The following LIFR variants were observed in gnomAD, a reference collection of about 807,000 sequenced individuals.
LIFR encodes leukemia inhibitory factor receptor.
In LIFR, 84 loss-of-function variants were observed where a neutral mutation model predicts 122.2. That is an observed-to-expected ratio of 0.69 (90% CI 0.58 to 0.82). The LOEUF (loss-of-function observed/expected upper bound fraction) is 0.82, where lower values mean the gene tolerates loss of function less well. Ranked by LOEUF, LIFR falls within the 40% of genes least tolerant of loss-of-function variation. LIFR has a pLI of 0.00. For missense variants in LIFR, 1,294 were observed against 1,311.6 expected (o/e 0.99, Z 0.21); for synonymous variants, 422 against 434.7 (o/e 0.97, Z 0.36).
intron 4 of LIFR, among the ~76,000 whole-genome samples, chr5:38,525,264 C>T (rs1444889): frequency 0.31 from 46,575 of 151,986 alleles, 7,431 homozygotes; most frequent in East Asian, 0.42. Flanking sequence ...GAGACTTGGA[C>T]TTTCTTCCAT....
intron 4 of LIFR, among the ~76,000 whole-genome samples, chr5:38,525,438 T>C (rs1746628824): frequency 6.6e-6 from 1 of 152,136 alleles, no homozygotes; most frequent in African/African-American, 2.4e-5. Flanking sequence ...CTGAATATGC[T>C]AAATAACAAA....
intron 13 of LIFR, 50 bp from the exon 14 acceptor site, chr5:38,493,835 A>C (rs776975091): frequency 1.6e-5 from 24 of 1,460,484 alleles, no homozygotes; most frequent in Non-Finnish European, 2.2e-5. Context: ...CAATAATATA[A>C]GGCAAATCTC....
At chr5:38,601,394 T>G (rs1410857567) in intron 2 of LIFR, among the ~76,000 whole-genome samples, 1 of 152,154 alleles carries the variant, frequency 6.6e-6, no homozygotes, top group Non-Finnish European at 1.5e-5. Flanking sequence ...CTGAGCTGAC[T>G]ACAACAAGGG....
chr5:38,589,679 A>G (rs1047752742), intron 1 of LIFR, among the ~76,000 whole-genome samples: 2 of 152,072 alleles, frequency 1.3e-5, no homozygotes, highest in African/African-American at 2.4e-5. Flanking sequence ...TTCCCAAATT[A>G]GAGTTGCAAT....
chr5:38,560,687 C>A (rs1748803299), upstream of LIFR, among the ~76,000 whole-genome samples: 1 of 151,862 alleles, frequency 6.6e-6, no homozygotes, highest in Non-Finnish European at 1.5e-5. Flanking sequence ...ACCTCCGCCT[C>A]CCAGGTGCAA....
chr5:38,602,654 C>A (rs1456209666), intron 2 of LIFR, among the ~76,000 whole-genome samples: 1 of 152,190 alleles, frequency 6.6e-6, no homozygotes, highest in Non-Finnish European at 1.5e-5. Flanking sequence ...TGATTTCACT[C>A]CCCTCTGCAG....
chr5:38,484,096 T>C (rs1744143866), intron 18 of LIFR, among the ~76,000 whole-genome samples: 1 of 152,232 alleles, frequency 6.6e-6, no homozygotes, highest in Non-Finnish European at 1.5e-5. Flanking sequence ...GAAATAATTA[T>C]CTGTCTGTAA....
At position 38,502,302 on chromosome 5, in the gene LIFR, G is replaced by A. The variant is rs550311052; in HGVS notation, c.1600+335C>T. ...GACGGAGTTTCACTCTTGTTGCCCA[G>A]GCTGGAGTGCAATGGCGCAATCTTG... is the stretch of plus-strand genomic sequence containing the variant. On this transcript the variant is annotated intron_variant, in intron 11 of 19. Coordinates refer to ENST00000453190, the MANE Select transcript of LIFR (RefSeq NM_001127671.2). 4.0e-4 allele frequency among the ~76,000 whole-genome samples: 60 copies of A among 151,790 alleles called. No homozygotes were observed. The East Asian group carries it at 0.011, about 27-fold the overall frequency.
At chr5:38,562,286 C>T (rs1395482011) in intron 1 of LIFR, among the ~76,000 whole-genome samples, 2 of 152,150 alleles carry the variant, frequency 1.3e-5, no homozygotes, top group African/African-American at 2.4e-5. Flanking sequence ...TCCGTCTTCA[C>T]GTATACCTCA....
intron 7 of LIFR, among the ~76,000 whole-genome samples, chr5:38,506,902 A>T (rs575324767): frequency 1.3e-5 from 2 of 152,308 alleles, no homozygotes; most frequent in South Asian, 4.1e-4. Flanking sequence ...ATCAGTTGTC[A>T]CTTTTTTTCC....
chr5:38,537,339 G>T (rs1747343676), intron 1 of LIFR, among the ~76,000 whole-genome samples: 1 of 152,090 alleles, frequency 6.6e-6, no homozygotes, highest in Non-Finnish European at 1.5e-5. Context: ...AGTGCCCCCT[G>T]CAATGTCTCC....
In LIFR at chr5:38,523,587, A is replaced by G. The variant is rs577416832; in HGVS notation, c.398-5T>C. On this transcript the variant is annotated splice_polypyrimidine_tract_variant and splice_region_variant and intron_variant, in intron 4 of 19. Coordinates refer to ENST00000453190, the MANE Select transcript of LIFR (RefSeq NM_001127671.2). ...CTGGAGTATCTGGAATTAAGGCTTT[A>G]AAAAGAGGAAACAAAAGAGAAAACT... 1 of 1,609,426 alleles carries G rather than the reference A, an allele frequency of 6.2e-7. No homozygotes were observed. Among genetic ancestry groups the G allele is most frequent in the South Asian group, 1.1e-5 (1 of 90,830 alleles).
At position 38,556,483 on chromosome 5, in the gene LIFR, C is replaced by T. The variant is rs960123104; in HGVS notation, c.-169G>A. 6.6e-6 allele frequency: 1 copy of T among 151,570 alleles called. No individual in the cohort carries two copies. The highest frequency in any genetic ancestry group is 1.5e-5 in the Non-Finnish European group (1 of 67,986). 9.4% of individuals were successfully genotyped at this position (151,570 alleles called of 1,614,324 possible). ...CACAATGCGCCGCCGCCTCCGCAGC[C>T]GCCGTCTCGCCTCCCCTGTGTCGGC... On this transcript the variant is annotated 5_prime_UTR_variant, in exon 1 of 20. Coordinates refer to ENST00000453190, the MANE Select transcript of LIFR (RefSeq NM_001127671.2).
At chr5:38,495,553 T>C (rs935328190) in intron 13 of LIFR, among the ~76,000 whole-genome samples, 7 of 152,168 alleles carry the variant, frequency 4.6e-5, no homozygotes, top group African/African-American at 1.7e-4. Flanking sequence ...TGCAGTCAAG[T>C]AACAATAAGA....
chr5:38,505,908 T>C lies in LIFR; in HGVS notation c.1288A>G (p.Lys430Glu). The change falls in exon 9 of 20, where the codon AAA (lysine) becomes GAA (glutamate). Residue 430 changes from lysine (K) to glutamate (E), a missense_variant. Coordinates refer to ENST00000453190, the MANE Select transcript of LIFR (RefSeq NM_001127671.2). ...CATTAGTTTATGTACAGCTTACCTT[T>C]TTCAGTTATATTAACTAAAATTGTT... ...QSTILVNITEKVYPHTPTSFK... is the reference protein window; with the variant it reads ...QSTILVNITEEVYPHTPTSFK... 1 of 1,602,574 alleles carries C rather than the reference T, an allele frequency of 6.2e-7. No individual in the cohort carries two copies. The highest frequency in any genetic ancestry group is 2.2e-5 in the East Asian group (1 of 44,618).
In LIFR at chr5:38,504,070, G is replaced by A. The variant is rs1387552898; in HGVS notation, c.1343C>T (p.Ala448Val). The A allele has an allele frequency of 6.3e-7, 1 of 1,586,952 alleles. No individual in the cohort carries two copies. The highest frequency in any genetic ancestry group is 8.7e-7 in the Non-Finnish European group (1 of 1,155,680). Reference protein sequence around the residue: ...SFKVKDINSTAVKLSWHLPGN... With the variant: ...SFKVKDINSTVVKLSWHLPGN... The stretch of plus-strand genomic sequence containing the variant: ...TGGTAAATGCCAAGAAAGTTTAACA[G>A]CTGTTGAATTAATATCCTTCACTTT... The change falls in exon 10 of 20, where the codon GCT becomes GTT. Residue 448 changes from alanine (A) to valine (V), a missense_variant. Physicochemically the swap from Ala to Val is moderately conservative, Grantham distance 64. Transcript: ENST00000453190.
chr5:38,592,217 AACTCT>A (rs1195790051), intron 1 of LIFR, among the ~76,000 whole-genome samples: 7 of 152,242 alleles, frequency 4.6e-5, no homozygotes, highest in Non-Finnish European at 1.0e-4. Flanking sequence ...TTAGTTATGT[AACTCT>A]ACTCTGTTTT....
intron 1 of LIFR, among the ~76,000 whole-genome samples, chr5:38,539,538 T>C (rs1747474009): frequency 6.6e-6 from 1 of 152,158 alleles, no homozygotes; most frequent in Admixed American, 6.5e-5. Flanking sequence ...ACTTAAAATA[T>C]TTTCATACCA....
rs780610404 is a variant in LIFR, at chr5:38,490,301, G to C, written c.2066-10C>G. The C allele has an allele frequency of 4.2e-6, 5 of 1,188,310 alleles. No homozygotes were observed. The Admixed American group carries it at 8.7e-5, about 21-fold the overall frequency. 73.6% of individuals were successfully genotyped at this position (1,188,310 alleles called of 1,614,324 possible). A position where few individuals can be genotyped will look rare whatever the true frequency, so the allele number is the denominator to read the frequency against. On this transcript the variant is annotated splice_polypyrimidine_tract_variant and intron_variant, in intron 14 of 19. Transcript: ENST00000453190. ...CCTGGTCGAAACTCATCTATAGGAT[G>C]AACATATCAGCAAACTTTCATAAAT...
Sources: gnomAD v4.1 joint callset for allele counts (sites outside exome capture counted in the v4.1 genomes callset) on GRCh38, gnomAD v4.1.1 for gene constraint, MANE v1.5 for transcripts, NCBI Gene and HGNC (gene_info 2026-07-23, HGNC 2026-07-21) for gene names.